RYR1: variants seen among roughly 807,000 people sequenced by gnomAD.
The protein encoded by RYR1 is ryanodine receptor 1, also known as central core disease of muscle.
RYR1 carries 342 observed loss-of-function variants against 583.5 expected under a neutral mutation model. The ratio of observed to expected loss-of-function variants is 0.59; its 90% CI spans 0.54 to 0.64. The LOEUF is 0.64. Ranked by LOEUF, RYR1 falls within the 30% of genes least tolerant of loss-of-function variation. RYR1 has a pLI of 0.00. For missense variants in RYR1, 6,032 were observed against 6,917.2 expected, an observed-to-expected ratio of 0.87 and a Z score of 4.54; for synonymous variants, 2,791 against 2,822.5, an observed-to-expected ratio of 0.99 and a Z score of 0.35.
intron 2 of RYR1, among the ~76,000 whole-genome samples, chr19:38,441,420 G>C (rs1401488734): frequency 6.6e-6 from 1 of 151,030 alleles, no homozygotes; most frequent in Admixed American, 6.6e-5. Flanking sequence ...GGGGAGGATG[G>C]GACAGGGCCT....
At position 38,517,517 on chromosome 19, in the gene RYR1, C is replaced by T; in HGVS notation, c.9844C>T (p.Pro3282Ser). The T allele has an allele frequency of 2.5e-6, 4 of 1,614,086 alleles. No individual in the cohort carries two copies. The highest frequency in any genetic ancestry group is 2.5e-6 in the Non-Finnish European group (3 of 1,179,996). ...ITLPMLCSYL[P>S]RWWERGPEAP... ...GCTGCCCATGCTATGCAGCTACCTG[C>T]CCCGATGGTGGGAGCGCGGGCCCGA... Residue 3282 changes from proline to serine, a missense_variant, in exon 66 of 106, where the codon CCC (proline) becomes TCC (serine). Pro to Ser is a moderately conservative substitution (Grantham distance 74). This residue lies in a region of RYR1 where 1,493 missense variants were observed against 1,715.5 expected (regional missense o/e 0.87). Coordinates refer to ENST00000359596, the MANE Select transcript of RYR1 (RefSeq NM_000540.3).
chr19:38,572,121 G>C lies in RYR1; in HGVS notation c.13849G>C (p.Gly4617Arg). Residue 4617 changes from glycine (G) to arginine (R), a missense_variant, in exon 95 of 106, where the codon GGA (glycine) becomes CGA (arginine). Gly to Arg is a moderately radical substitution (Grantham distance 125). Transcript: ENST00000359596. ...CAGCTCTGGCTGGGGCTTGGGGGCCGGAGAGGAGGCAGAGGGCGATGAGGA... is the reference window on the plus strand; with the variant it reads ...CAGCTCTGGCTGGGGCTTGGGGGCCCGAGAGGAGGCAGAGGGCGATGAGGA... ...GGSSGWGLGA[G>R]EEAEGDEDEN... 1 of 1,613,534 alleles carries C rather than the reference G, an allele frequency of 6.2e-7. No homozygotes were observed. Among genetic ancestry groups the C allele is most frequent in the Non-Finnish European group, 8.5e-7 (1 of 1,179,870 alleles).
Position 38,506,897 on chromosome 19 carries a change from G to C in RYR1, c.8761G>C (p.Glu2921Gln). 4 of 1,613,578 alleles carry C rather than the reference G, an allele frequency of 2.5e-6. No homozygotes were observed. Among genetic ancestry groups the C allele is most frequent in the Non-Finnish European group, 3.4e-6 (4 of 1,180,034 alleles). Residue 2921 changes from glutamate to glutamine, a missense_variant, in exon 57 of 106, where the codon GAG (glutamate) becomes CAG (glutamine). Around this residue, in one of 11 missense-constraint regions of RYR1, gnomAD observed 1,493 missense variants for 1,715.5 expected, o/e 0.87. Transcript: ENST00000359596. Reference sequence around the variant, plus strand: ...GGCCAAGGAGAAGGCACGAGATCGAGAGAAGGCCCAGGAGCTACTGAAATT... The same window carrying C: ...GGCCAAGGAGAAGGCACGAGATCGACAGAAGGCCCAGGAGCTACTGAAATT... ...LTAKEKARDR[E>Q]KAQELLKFLQ...
chr19:38,574,501 G>A (rs185158262), intron 96 of RYR1, among the ~76,000 whole-genome samples: 27 of 151,814 alleles, frequency 1.8e-4, no homozygotes, highest in African/African-American at 5.8e-4. Flanking sequence ...CCTGGCTAGC[G>A]CATGCCTGTA....
In RYR1 at chr19:38,561,121, C is replaced by A. The variant is rs749610835; in HGVS notation, c.12291C>A (p.Asp4097Glu). Reference sequence around the variant, plus strand: ...TCCCTGCCCGCCCCCAGGCCATGGACAGCCAGAAGCAGTTCAGCGGTCCAG... The same window carrying A: ...TCCCTGCCCGCCCCCAGGCCATGGAAAGCCAGAAGCAGTTCAGCGGTCCAG... ...ISKKDFQKAMDSQKQFSGPEI... is the reference protein window; with the variant it reads ...ISKKDFQKAMESQKQFSGPEI... Residue 4097 changes from aspartate (D) to glutamate (E), a missense_variant, in exon 90 of 106, where the codon GAC becomes GAA. Physicochemically the swap from Asp to Glu is conservative, Grantham distance 45 (BLOSUM62 2). Around this residue, in one of 11 missense-constraint regions of RYR1, gnomAD observed 753 missense variants for 759.6 expected, o/e 0.99. Coordinates refer to ENST00000359596, the MANE Select transcript of RYR1 (RefSeq NM_000540.3). This position sits in a 1 kb window ranked among gnomAD's most constrained non-coding sequence, Gnocchi z 4.8. 3.1e-6 allele frequency: 5 copies of A among 1,613,924 alleles called. No individual in the cohort carries two copies. The highest frequency in any genetic ancestry group is 1.7e-5 in the Admixed American group (1 of 59,966).
Position 38,505,409 on chromosome 19 carries a change from C to T in RYR1, c.8400+11C>T. ...ACCTTTTCAGAGAAGGTGACCAGGC[C>T]TTGGGGCCCAGCATTGAGGGTCAAA... On this transcript the variant is annotated intron_variant, in intron 53 of 105. Transcript: ENST00000359596. 6.3e-7 allele frequency: 1 copy of T among 1,590,228 alleles called. No homozygotes were observed. Among genetic ancestry groups the T allele is most frequent in the Non-Finnish European group, 8.6e-7 (1 of 1,162,706 alleles).
chr19:38,530,011 G>A (rs544899583), intron 76 of RYR1, among the ~76,000 whole-genome samples: 32 of 151,984 alleles, frequency 2.1e-4, no homozygotes, highest in South Asian at 8.3e-4. Flanking sequence ...ATGGAGTCTC[G>A]CTCTGTCACC....
intron 42 of RYR1, among the ~76,000 whole-genome samples, chr19:38,498,620 A>G (rs1480599023): frequency 2.0e-5 from 3 of 152,198 alleles, no homozygotes; most frequent in Non-Finnish European, 4.4e-5. Context: ...TCTTGATGAT[A>G]TGCTGTTTAG....
intron 18 of RYR1, among the ~76,000 whole-genome samples, chr19:38,458,717 C>G (rs963493442): frequency 6.6e-6 from 1 of 152,124 alleles, no homozygotes; most frequent in Non-Finnish European, 1.5e-5. Flanking sequence ...CTCTGCCTCT[C>G]GGGTTCAAGT....
In RYR1 at chr19:38,436,875, C is replaced by T. The variant is rs142837823; in HGVS notation, c.45+3001C>T. On this transcript the variant is annotated intron_variant, in intron 1 of 105. Transcript: ENST00000359596. Reference sequence around the variant, plus strand: ...TCCCTTTGGTGGGTGGTGACCTCTACCCTTACCCAGGCTGGGGTTTCTCAA... The same window carrying T: ...TCCCTTTGGTGGGTGGTGACCTCTATCCTTACCCAGGCTGGGGTTTCTCAA... 5.0e-3 allele frequency among the ~76,000 whole-genome samples: 767 copies of T among 152,120 alleles called. 6 individuals are homozygous for T. The highest frequency in any genetic ancestry group is 0.017 in the African/African-American group (724 of 41,416).
chr19:38,485,712 G>A lies in RYR1; in HGVS notation c.5057G>A (p.Ser1686Asn). ...GNNRVAHALC[S>N]HVDQAQLLHA... is the part of the protein sequence containing the mutation. The stretch of plus-strand genomic sequence containing the variant: ...AATCGCGTGGCGCACGCTCTGTGCA[G>A]CCACGTAGACCAAGCTCAGCTGCTG... Residue 1686 changes from serine to asparagine, a missense_variant, in exon 34 of 106, where the codon AGC (serine) becomes AAC (asparagine). By Grantham distance (46) the Ser-to-Asn change is conservative. Transcript: ENST00000359596. The A allele has an allele frequency of 6.2e-7, 1 of 1,612,116 alleles. No individual in the cohort carries two copies. The highest frequency in any genetic ancestry group is 1.1e-5 in the South Asian group (1 of 91,060).
At position 38,586,570 on chromosome 19, in the gene RYR1, G is replaced by A. The variant is rs2229149; in HGVS notation, c.15015G>A (p.Thr5005=). The change falls in exon 105 of 106, where the codon ACG becomes ACA. Residue 5005 remains threonine, a synonymous_variant. Coordinates refer to ENST00000359596, the MANE Select transcript of RYR1 (RefSeq NM_000540.3). ...TAAACAAGGATGAGACAGAACACAC[G>A]GGTCAGGTAAGGGGGTGTTAATGGG... is the stretch of plus-strand genomic sequence containing the variant. ...YLINKDETEH[T]GQESYVWKMY... 116 of 1,614,134 alleles carry A rather than the reference G, an allele frequency of 7.2e-5. 1 individual carries two copies. In the East Asian group the frequency reaches 2.0e-3, roughly 29 times the overall value.
At chr19:38,475,621 C>A (rs1968682258) in intron 29 of RYR1, among the ~76,000 whole-genome samples, 171 bp downstream of exon 29, 1 of 152,144 alleles carries the variant, frequency 6.6e-6, no homozygotes, top group Non-Finnish European at 1.5e-5. Context: ...TCCTTTGAAC[C>A]CCTAAATCCA....
intron 66 of RYR1, among the ~76,000 whole-genome samples, 181 bp from the exon 67 acceptor site, chr19:38,519,033 G>A (rs747561859): frequency 6.6e-6 from 1 of 152,048 alleles, no homozygotes; most frequent in South Asian, 2.1e-4. Flanking sequence ...TGGGTCTTAG[G>A]TTCAGGTTAG....
rs1970672740 is a variant in RYR1 at position 38,510,373 on chromosome 19, A to G, written c.8933-125A>G. The G allele has an allele frequency of 1.6e-5, 15 of 918,762 alleles. No individual in the cohort carries two copies. In the South Asian group the frequency reaches 2.1e-4, roughly 13 times the overall value. 56.9% of individuals were successfully genotyped at this position (918,762 alleles called of 1,614,324 possible). A position where few individuals can be genotyped will look rare whatever the true frequency, so the allele number is the denominator to read the frequency against. On this transcript the variant is annotated intron_variant, in intron 58 of 105. Transcript: ENST00000359596. Reference sequence around the variant, plus strand: ...AAGGTTTATCTCAAAGCCAACACAAATGACTTCATACCAATACTTTATCCC... The same window carrying G: ...AAGGTTTATCTCAAAGCCAACACAAGTGACTTCATACCAATACTTTATCCC...
At chr19:38,478,009 G>A in intron 30 of RYR1, 139 bp downstream of exon 30, 4 of 827,258 alleles carry the variant, frequency 4.8e-6, no homozygotes, top group Non-Finnish European at 5.9e-6. Context: ...GGGGCACTGG[G>A]CACCCAGCTC....
chr19:38,479,812 A>G (rs148836019), intron 31 of RYR1, among the ~76,000 whole-genome samples: 143 of 151,466 alleles, frequency 9.4e-4, no homozygotes, highest in Middle Eastern at 3.4e-3. Context: ...ACCTTCCTGG[A>G]CTCAAGCGAT....
At position 38,528,213 on chromosome 19, in the gene RYR1, A is replaced by G. The variant is rs530352667; in HGVS notation, c.10825-93A>G. On this transcript the variant is annotated intron_variant, in intron 73 of 105. Coordinates refer to ENST00000359596, the MANE Select transcript of RYR1 (RefSeq NM_000540.3). ...CTGCCGTGTGAGTCTTAACCTGAAT[A>G]TGGACTTCGACACAGCTGGGCAGTT... 10 of 1,038,322 alleles carry G rather than the reference A, an allele frequency of 9.6e-6. No individual in the cohort carries two copies. The African/African-American group carries it at 1.3e-4, about 13-fold the overall frequency. 64.3% of individuals were successfully genotyped at this position (1,038,322 alleles called of 1,614,324 possible).
In RYR1 at chr19:38,515,075, C is replaced by T. The variant is rs1232228230; in HGVS notation, c.9522C>T (p.Ser3174=). The change falls in exon 64 of 106, where the codon TCC becomes TCT. Residue 3174 remains serine, a synonymous_variant. Transcript: ENST00000359596. ...SCYRTLCSIY[S]LGTTKNTYVE... is the part of the protein sequence containing the mutation. ...ACCGAACGCTGTGCAGTATCTACTC[C>T]CTGGGAACCACCAAGAACACTTATG... is the stretch of plus-strand genomic sequence containing the variant. 23 of 1,613,566 alleles carry T rather than the reference C, an allele frequency of 1.4e-5. No individual in the cohort carries two copies. Among genetic ancestry groups the T allele is most frequent in the Non-Finnish European group, 1.9e-5 (22 of 1,179,900 alleles).
Sources: gnomAD v4.1 joint callset for allele counts (sites outside exome capture counted in the v4.1 genomes callset) on GRCh38, gnomAD v4.1.1 for gene constraint, gnomAD v4.1.1 regional missense constraint, Gnocchi (gnomAD v3.1) non-coding constraint, MANE v1.5 for transcripts, NCBI Gene and HGNC (gene_info 2026-07-23, HGNC 2026-07-21) for gene names.